Variants in CSMD1 observed in about 807,000 individuals in gnomAD.
CSMD1 encodes the protein CUB and Sushi multiple domains 1.
CSMD1 carries 213 observed loss-of-function variants against 417.5 expected under a neutral mutation model. That is an observed-to-expected ratio of 0.51 (90% CI 0.46 to 0.57). The LOEUF (loss-of-function observed/expected upper bound fraction) is 0.57. Ranked by LOEUF, CSMD1 falls within the 20% of genes least tolerant of loss-of-function variation. The probability of loss-of-function intolerance (pLI) is 0.00; values close to 1 mark genes in which losing one functional copy is unlikely to be tolerated. For missense variants in CSMD1, 6,923 were observed against 4,529.7 expected (o/e 1.53, Z -15.17); for synonymous variants, 2,862 against 1,736.8 (o/e 1.65, Z -16.11).
chr8:4,755,582 G>GTCACGTTGATTT, intron 1 of CSMD1, among the ~76,000 whole-genome samples: 1 of 152,050 alleles, frequency 6.6e-6, no homozygotes, highest in African/African-American at 2.4e-5. Context: ...ATGTTCTACT[G>GTCACGTTGATTT]TCACGTTGAT....
At chr8:4,961,482 T>C (rs780208610) in intron 1 of CSMD1, among the ~76,000 whole-genome samples, 5 of 152,174 alleles carry the variant, frequency 3.3e-5, no homozygotes, top group Admixed American at 2.0e-4. Flanking sequence ...TATTCTCCAA[T>C]GACATTTTAT....
intron 5 of CSMD1, among the ~76,000 whole-genome samples, chr8:3,958,626 C>T (rs927175374): frequency 6.6e-6 from 1 of 152,016 alleles, no homozygotes; most frequent in Non-Finnish European, 1.5e-5. Context: ...TAAATGAGGT[C>T]CACCACATAT....
At chr8:4,422,596 C>G (rs552978400) in intron 2 of CSMD1, among the ~76,000 whole-genome samples, 1 of 152,050 alleles carries the variant, frequency 6.6e-6, no homozygotes, top group East Asian at 1.9e-4. Context: ...ATTCTGGACC[C>G]TGATCTCAGA....
chr8:4,213,468 G>T (rs1473359721), intron 3 of CSMD1, among the ~76,000 whole-genome samples: 2 of 152,182 alleles, frequency 1.3e-5, no homozygotes, highest in African/African-American at 4.8e-5. Context: ...CCCGGATACT[G>T]GCCAGTTACT....
rs574574957 is a variant in CSMD1, at chr8:3,912,420, C to T, written c.818+85483G>A. On this transcript the variant is annotated intron_variant, in intron 5 of 69. Coordinates refer to ENST00000635120, the MANE Select transcript of CSMD1 (RefSeq NM_033225.6). The stretch of plus-strand genomic sequence containing the variant: ...GGGTGCAGGGACAAATAGGGTGGGA[C>T]GATTTCTACTTAGAGTAGACCAGGG... Among the ~76,000 whole-genome samples, 51 of 152,192 alleles carry T rather than the reference C, an allele frequency of 3.4e-4. 1 individual carries two copies. Among genetic ancestry groups the T allele is most frequent in the African/African-American group, 1.2e-3 (48 of 41,480 alleles).
chr8:3,441,622 A>C (rs1457573032), intron 12 of CSMD1, among the ~76,000 whole-genome samples: 1 of 151,950 alleles, frequency 6.6e-6, no homozygotes, highest in Non-Finnish European at 1.5e-5. Context: ...CCTATCACCT[A>C]ATGACATAGT....
In CSMD1 at chr8:3,596,235, G is replaced by A. The variant is rs73660330; in HGVS notation, c.1098-9975C>T. On this transcript the variant is annotated intron_variant, in intron 8 of 69. Coordinates refer to ENST00000635120, the MANE Select transcript of CSMD1 (RefSeq NM_033225.6). ...CCCCGGCAGCCTGCACCACCGTCCA[G>A]CTCACACCTCCATCATGCATCAGCC... Among the ~76,000 whole-genome samples the A allele has an allele frequency of 3.0e-3, 452 of 152,306 alleles. 4 individuals are homozygous for A. The highest frequency in any genetic ancestry group is 0.01 in the African/African-American group (436 of 41,560).
chr8:4,619,471 A>C (rs1331929997), intron 2 of CSMD1, among the ~76,000 whole-genome samples: 1 of 152,176 alleles, frequency 6.6e-6, no homozygotes. Flanking sequence ...AGAAGTAGCA[A>C]GAAGAAAAGC....
chr8:2,976,640 C>G (rs904832146), intron 55 of CSMD1, among the ~76,000 whole-genome samples: 1 of 152,186 alleles, frequency 6.6e-6, no homozygotes, highest in Non-Finnish European at 1.5e-5. Flanking sequence ...TGAGTCACGG[C>G]ACCTGGCCTC....
At chr8:4,509,539 A>T (rs550962408) in intron 2 of CSMD1, among the ~76,000 whole-genome samples, 7 of 152,286 alleles carry the variant, frequency 4.6e-5, no homozygotes, top group African/African-American at 1.4e-4. Context: ...AGGAAATCAC[A>T]TGGAAATGGA....
chr8:4,297,392 C>T (rs1021420347), intron 3 of CSMD1, among the ~76,000 whole-genome samples: 5 of 152,110 alleles, frequency 3.3e-5, no homozygotes, highest in African/African-American at 1.2e-4. Context: ...TACTGTAATT[C>T]ATTTTTATTG....
chr8:3,823,198 G>A (rs973727176), intron 5 of CSMD1, among the ~76,000 whole-genome samples: 2 of 152,080 alleles, frequency 1.3e-5, no homozygotes, highest in African/African-American at 4.8e-5. Context: ...CTCACAGTTT[G>A]CAATATTGGT....
rs1456000831 is a variant in CSMD1 at position 4,416,029 on chromosome 8, C to T, written c.415+3924G>A. Among the ~76,000 whole-genome samples the T allele has an allele frequency of 2.0e-5, 3 of 152,156 alleles. No homozygotes were observed. In the East Asian group the frequency reaches 5.8e-4, roughly 29 times the overall value. On this transcript the variant is annotated intron_variant, in intron 3 of 69. Coordinates refer to ENST00000635120, the MANE Select transcript of CSMD1 (RefSeq NM_033225.6). ...GTGATAATAATAGATCACCTTATTT[C>T]ACTTAGACAATTTCCGTGAAGATTT...
intron 2 of CSMD1, among the ~76,000 whole-genome samples, chr8:4,610,731 C>A (rs1451409643): frequency 6.6e-6 from 1 of 152,176 alleles, no homozygotes; most frequent in East Asian, 1.9e-4. Context: ...GCAAATGGTT[C>A]TTCATGACTA....
At chr8:4,782,337 C>T (rs917536507) in intron 1 of CSMD1, among the ~76,000 whole-genome samples, 4 of 152,104 alleles carry the variant, frequency 2.6e-5, no homozygotes, top group African/African-American at 9.7e-5. Context: ...CACAATGTAT[C>T]TAAGCATTAA....
At chr8:3,868,525 C>T (rs1422587060) in intron 5 of CSMD1, among the ~76,000 whole-genome samples, 2 of 152,100 alleles carry the variant, frequency 1.3e-5, no homozygotes, top group Admixed American at 1.3e-4. Context: ...CCACCAATTC[C>T]CAAATGCGTA....
chr8:3,921,406 A>T (rs1047642765), intron 5 of CSMD1, among the ~76,000 whole-genome samples: 5 of 151,898 alleles, frequency 3.3e-5, no homozygotes, highest in African/African-American at 9.7e-5. Context: ...TTTATTATCT[A>T]ACTTGTATTA....
chr8:4,251,219 A>T (rs1002435094), intron 3 of CSMD1, among the ~76,000 whole-genome samples: 1 of 152,186 alleles, frequency 6.6e-6, no homozygotes, highest in Non-Finnish European at 1.5e-5. Flanking sequence ...AAAACCTATA[A>T]CAGCTAACAA....
intron 1 of CSMD1, among the ~76,000 whole-genome samples, chr8:4,963,016 C>T (rs931700869): frequency 2.0e-5 from 3 of 152,056 alleles, no homozygotes; most frequent in Non-Finnish European, 4.4e-5. Flanking sequence ...CAACCAGGTG[C>T]CCTGTTTATA....
Sources: gnomAD v4.1 joint callset for allele counts (sites outside exome capture counted in the v4.1 genomes callset) on GRCh38, gnomAD v4.1.1 for gene constraint, MANE v1.5 for transcripts, NCBI Gene and HGNC (gene_info 2026-07-23, HGNC 2026-07-21) for gene names.